Variants in ACY3 observed in about 807,000 individuals in gnomAD.
The protein encoded by ACY3 is aminoacylase 3.
A neutral mutation model predicts 24.6 loss-of-function variants in ACY3; 20 were observed. The ratio of observed to expected loss-of-function variants is 0.81; its 90% CI spans 0.57 to 1.18. The LOEUF is 1.18. ACY3 is among the 50% of genes most tolerant of loss of function. The pLI is 0.00. For missense variants in ACY3, 423 were observed against 426.8 expected (o/e 0.99, Z 0.08); for synonymous variants, 174 against 188.4 (o/e 0.92, Z 0.62).
Position 67,644,759 on chromosome 11 carries a change from C to CAT in ACY3, c.744_744+1insAT (p.Asp249MetfsTer64). ...ACACACACACACACACACACACACA[C>CAT]CTGCAGCTGAGGATGCACAGTGCCT... On this transcript the variant is annotated frameshift_variant and splice_region_variant. Transcript: ENST00000255082. LOFTEE classifies it high-confidence loss of function. 6.5e-7 allele frequency: 1 copy of CAT among 1,547,744 alleles called. No individual in the cohort carries two copies. Among genetic ancestry groups the CAT allele is most frequent in the South Asian group, 1.2e-5 (1 of 84,198 alleles).
At chr11:67,649,934 G>C (rs567390762) in intron 1 of ACY3, among the ~76,000 whole-genome samples, 1 of 133,544 alleles carries the variant, frequency 7.5e-6, no homozygotes, top group Non-Finnish European at 1.5e-5. Flanking sequence ...GCATGTGTGC[G>C]TGTGTGTGTG....
At chr11:67,648,245 C>T (rs1258501623) in intron 1 of ACY3, among the ~76,000 whole-genome samples, 1 of 152,122 alleles carries the variant, frequency 6.6e-6, no homozygotes, top group Non-Finnish European at 1.5e-5. Context: ...AGGCAGGCTG[C>T]AGGTGGCCCA....
Position 67,642,638 on chromosome 11 carries a change from G to A in ACY3, c.*86C>T. 5.0e-6 allele frequency: 7 copies of A among 1,400,120 alleles called. No individual in the cohort carries two copies. Among genetic ancestry groups the A allele is most frequent in the Non-Finnish European group, 7.1e-6 (7 of 987,764 alleles). 86.7% of individuals were successfully genotyped at this position (1,400,120 alleles called of 1,614,324 possible). A position where few individuals can be genotyped will look rare whatever the true frequency, so the allele number is the denominator to read the frequency against. On this transcript the variant is annotated 3_prime_UTR_variant, in exon 8 of 8. Transcript: ENST00000255082. ...GCAAGGAACATGGTGCATGGTAGGTGGCAGAAGGGACCTCTGTGCTCAGAG... is the reference window on the plus strand; with the variant it reads ...GCAAGGAACATGGTGCATGGTAGGTAGCAGAAGGGACCTCTGTGCTCAGAG...
Position 67,647,357 on chromosome 11 carries a change from T to C in ACY3, c.-21+159A>G, listed in dbSNP as rs2514035. On this transcript the variant is annotated intron_variant, in intron 2 of 7. Transcript: ENST00000255082. ...CCCTATAGGAAGAGGACTGCGCTCC[T>C]TTTTATAGACAGGGAAACTGAGGCA... Among the ~76,000 whole-genome samples the C allele has an allele frequency of 0.82, 125,131 of 152,210 alleles. 51,578 individuals are homozygous for C. The highest frequency in any genetic ancestry group is 0.92 in the South Asian group (4,455 of 4,824).
In ACY3 at chr11:67,646,927, T is replaced by G. The variant is rs377603005; in HGVS notation, c.117A>C (p.Ala39=). Residue 39 remains alanine (A), a synonymous_variant, in exon 3 of 8, where the codon GCA becomes GCC. Coordinates refer to ENST00000255082, the MANE Select transcript of ACY3 (RefSeq NM_080658.2). Reference sequence around the variant, plus strand: ...CGGAGAAGCTGGCTCTCTGCAGCTCTGCGGGGGCATGCAGCCAGTGCCGGG... The same window carrying G: ...CGGAGAAGCTGGCTCTCTGCAGCTCGGCGGGGGCATGCAGCCAGTGCCGGG... ...YLARHWLHAP[A]ELQRASFSAV... 1 of 1,606,370 alleles carries G rather than the reference T, an allele frequency of 6.2e-7. No individual in the cohort carries two copies. The highest frequency in any genetic ancestry group is 8.5e-7 in the Non-Finnish European group (1 of 1,176,794).
Position 67,642,726 on chromosome 11 carries a change from A to G in ACY3, c.958T>C (p.Ter320GlnextTer13). ...AGGTTGGGGAGGTGTGTCTTGGGTT[A>G]GGAAGCTGGGCTCGGGGCAGGGGTC... ...ALTPAPSPAS[*>Q] Residue 320 changes from the stop codon to glutamine (Q), a stop_lost, in exon 8 of 8, where the codon TAA becomes CAA. Coordinates refer to ENST00000255082, the MANE Select transcript of ACY3 (RefSeq NM_080658.2). The G allele has an allele frequency of 6.2e-7, 1 of 1,613,962 alleles. No homozygotes were observed. Among genetic ancestry groups the G allele is most frequent in the African/African-American group, 1.3e-5 (1 of 75,056 alleles).
At chr11:67,644,319 T>C (rs1167306171) in intron 7 of ACY3, among the ~76,000 whole-genome samples, 1 of 152,064 alleles carries the variant, frequency 6.6e-6, no homozygotes, top group East Asian at 1.9e-4. Context: ...TCCTGGAACA[T>C]TCAGGAAGGG....
chr11:67,650,161 G>T (rs1855601173), intron 1 of ACY3, among the ~76,000 whole-genome samples: 1 of 152,100 alleles, frequency 6.6e-6, no homozygotes, highest in Non-Finnish European at 1.5e-5. Flanking sequence ...GATGTCATGG[G>T]CATCATCACG....
chr11:67,642,868 A>C lies in ACY3; in HGVS notation c.816T>G (p.Tyr272Ter), dbSNP rs188330165. Residue 272 changes from tyrosine to a stop codon, truncating the protein, a stop_gained, in exon 8 of 8, where the codon TAT (tyrosine) becomes TAG (stop). Coordinates refer to ENST00000255082, the MANE Select transcript of ACY3 (RefSeq NM_080658.2). LOFTEE classifies it low-confidence loss of function (END_TRUNC). ...CGGGGTACACCGTGGACTCTCCCTC[A>C]TAGAGCAGGTCCTCCCCACTGAACA... ...FQMFSGEDLL[Y>*]EGESTVYPVF... 16 of 1,614,028 alleles carry C rather than the reference A, an allele frequency of 9.9e-6. No homozygotes were observed. Among genetic ancestry groups the C allele is most frequent in the Middle Eastern group, 1.6e-4 (1 of 6,062 alleles).
chr11:67,648,872 G>A (rs1855565118), intron 1 of ACY3, among the ~76,000 whole-genome samples: 1 of 152,182 alleles, frequency 6.6e-6, no homozygotes. Context: ...GGTGTCAAGA[G>A]GGGTGGATGG....
chr11:67,644,916 G>A (rs906797291), intron 6 of ACY3, 47 bp from the exon 7 acceptor site: 10 of 1,594,538 alleles, frequency 6.3e-6, no homozygotes, highest in African/African-American at 2.7e-5. Context: ...CTCCAGGCTA[G>A]GGGACAGACT....
Position 67,645,268 on chromosome 11 carries a change from T to G in ACY3, c.526+19A>C. 1 of 1,612,954 alleles carries G rather than the reference T, an allele frequency of 6.2e-7. No individual in the cohort carries two copies. Among genetic ancestry groups the G allele is most frequent in the Non-Finnish European group, 8.5e-7 (1 of 1,179,722 alleles). On this transcript the variant is annotated intron_variant, in intron 5 of 7. Transcript: ENST00000255082. Reference sequence around the variant, plus strand: ...CAGCCCTCCTGGCCCCGCCCACTTCTCAGAAGGCTGCGGCCCACCCAGTCC... The same window carrying G: ...CAGCCCTCCTGGCCCCGCCCACTTCGCAGAAGGCTGCGGCCCACCCAGTCC...
At chr11:67,648,100 G>A (rs1024452421) in intron 1 of ACY3, among the ~76,000 whole-genome samples, 2 of 152,178 alleles carry the variant, frequency 1.3e-5, no homozygotes, top group Non-Finnish European at 2.9e-5. Context: ...TGTTTGATCC[G>A]GGATTTCAGT....
chr11:67,645,741 G>T lies in ACY3; in HGVS notation c.383C>A (p.Ala128Glu), dbSNP rs368150084. ...TTANMGTCLI[A>E]KSSHEVFAMH... The stretch of plus-strand genomic sequence containing the variant: ...GGCAAAGACTTCGTGGGAGGACTTC[G>T]CGATTAAGCAGGTGCCCATGTTGGC... Residue 128 changes from alanine (A) to glutamate (E), a missense_variant, in exon 4 of 8, where the codon GCG becomes GAG. Coordinates refer to ENST00000255082, the MANE Select transcript of ACY3 (RefSeq NM_080658.2). 2.5e-6 allele frequency: 4 copies of T among 1,613,334 alleles called. No homozygotes were observed. Among genetic ancestry groups the T allele is most frequent in the Non-Finnish European group, 2.5e-6 (3 of 1,179,896 alleles).
intron 1 of ACY3, among the ~76,000 whole-genome samples, chr11:67,650,317 C>T (rs2514043): frequency 0.068 from 10,347 of 152,230 alleles, 1,197 homozygotes; most frequent in African/African-American, 0.24. Flanking sequence ...CCTCATTACC[C>T]TATGCTTATA....
At chr11:67,649,252 C>T (rs1393626991) in intron 1 of ACY3, among the ~76,000 whole-genome samples, 1 of 152,148 alleles carries the variant, frequency 6.6e-6, no homozygotes, top group East Asian at 1.9e-4. Flanking sequence ...GCCCCCCCAA[C>T]CCCCACAGAG....
At position 67,645,236 on chromosome 11, in the gene ACY3, G is replaced by C. The variant is rs780702044; in HGVS notation, c.526+51C>G. 3.1e-6 allele frequency: 5 copies of C among 1,600,640 alleles called. No individual in the cohort carries two copies. The East Asian group carries it at 1.1e-4, about 36-fold the overall frequency. ...GCCCTGCCCCTTGGTGACTGGACCC[G>C]CCCCTCCAGCCCTCCTGGCCCCGCC... On this transcript the variant is annotated intron_variant, in intron 5 of 7. Transcript: ENST00000255082.
chr11:67,648,811 A>C (rs1855563944), intron 1 of ACY3, among the ~76,000 whole-genome samples: 1 of 152,124 alleles, frequency 6.6e-6, no homozygotes, highest in South Asian at 2.1e-4. Flanking sequence ...GATTGTGGGG[A>C]CAGGGGATTT....
rs71058714 is a variant in ACY3 at position 67,644,759 on chromosome 11, C to CACACA, written c.744_744+1insTGTGT (p.Asp249CysfsTer65). ...ACACACACACACACACACACACACA[C>CACACA]CTGCAGCTGAGGATGCACAGTGCCT... On this transcript the variant is annotated frameshift_variant and splice_region_variant. Transcript: ENST00000255082. LOFTEE classifies it high-confidence loss of function. The CACACA allele has an allele frequency of 1.3e-6, 2 of 1,547,744 alleles. No individual in the cohort carries two copies.
Sources: allele counts gnomAD v4.1 joint callset (sites outside exome capture counted in the v4.1 genomes callset), GRCh38; gene constraint gnomAD v4.1.1; transcripts MANE v1.5; gene names NCBI Gene and HGNC (gene_info 2026-07-23, HGNC 2026-07-21).